LINGO2: variants seen among roughly 807,000 people sequenced by gnomAD.
The protein encoded by LINGO2 is leucine-rich repeat and immunoglobulin-like domain-containing nogo receptor-interacting protein 2.
In LINGO2, 14 loss-of-function variants were observed where a neutral mutation model predicts 30.6. The ratio of observed to expected loss-of-function variants is 0.46; its 90% confidence interval spans 0.30 to 0.72. LINGO2 has a LOEUF of 0.72. Ranked by LOEUF, LINGO2 falls within the 30% of genes least tolerant of loss-of-function variation. The probability of loss-of-function intolerance (pLI) is 0.07; values close to 1 mark genes in which losing one functional copy is unlikely to be tolerated. For missense variants in LINGO2, 729 were observed against 751.7 expected (o/e 0.97, Z 0.35); for synonymous variants, 317 against 288.5 (o/e 1.10, Z -1.00).
intron 1 of LINGO2, among the ~76,000 whole-genome samples, chr9:28,582,455 G>T (rs750499375): frequency 3.7e-4 from 57 of 152,008 alleles, no homozygotes; most frequent in Non-Finnish European, 5.9e-4. Flanking sequence ...GCTTCTGAAA[G>T]TTAGCAAGTT....
chr9:28,774,628 C>T, the LINGO2 span, among the ~76,000 whole-genome samples: 2 of 151,982 alleles, frequency 1.3e-5, no homozygotes, highest in African/African-American at 4.8e-5. Context: ...TTTTCTGGCA[C>T]TAGAGGTCGC....
At chr9:28,583,386 T>C (rs933827695) in intron 1 of LINGO2, among the ~76,000 whole-genome samples, 1 of 151,968 alleles carries the variant, frequency 6.6e-6, no homozygotes, top group Non-Finnish European at 1.5e-5. Flanking sequence ...ATAGAGATTA[T>C]AAAAATCTAA....
chr9:28,283,481 T>C (rs568952376), intron 4 of LINGO2, among the ~76,000 whole-genome samples: 19 of 152,310 alleles, frequency 1.2e-4, no homozygotes, highest in Admixed American at 4.6e-4. Context: ...AAGTAAATTA[T>C]ACAATATCAT....
intron 4 of LINGO2, among the ~76,000 whole-genome samples, chr9:28,071,299 A>G (rs1825468698): frequency 6.6e-6 from 1 of 152,212 alleles, no homozygotes; most frequent in Middle Eastern, 3.4e-3. Flanking sequence ...AGCCATAGTC[A>G]CTACACTCAT....
At chr9:28,870,738 T>G in the LINGO2 span, among the ~76,000 whole-genome samples, 1 of 151,944 alleles carries the variant, frequency 6.6e-6, no homozygotes, top group South Asian at 2.1e-4. Flanking sequence ...CATAAAACCA[T>G]AGAAAAGTAA....
At chr9:28,811,790 G>A in the LINGO2 span, among the ~76,000 whole-genome samples, 1 of 151,800 alleles carries the variant, frequency 6.6e-6, no homozygotes, top group Admixed American at 6.6e-5. Context: ...GATAGCACTT[G>A]TCATTTCCTG....
chr9:27,948,690 G>T (rs1000859073), exon 6 of LINGO2: 3 of 790,636 alleles, frequency 3.8e-6, no homozygotes, highest in African/African-American at 3.5e-5. Context: ...CCTGCCTTTC[G>T]ATGGAGAGTC....
the LINGO2 span, among the ~76,000 whole-genome samples, chr9:29,155,560 T>C: frequency 1.3e-5 from 2 of 150,752 alleles, no homozygotes; most frequent in Admixed American, 6.6e-5. Flanking sequence ...GTTTTCCTTT[T>C]TTTTTTTTTT....
intron 1 of LINGO2, among the ~76,000 whole-genome samples, chr9:28,539,330 T>C (rs1040071612): frequency 8.5e-5 from 13 of 152,156 alleles, no homozygotes; most frequent in African/African-American, 3.1e-4. Flanking sequence ...ATAATAGGCA[T>C]TCAGAAATGT....
At chr9:27,944,603 A>G (rs1823293311), downstream of LINGO2, 1 of 152,198 alleles carries the variant, frequency 6.6e-6, no homozygotes, top group Admixed American at 6.6e-5. Flanking sequence ...CTCAATCAGA[A>G]AAACATCAAG....
At chr9:29,201,419 T>C in the LINGO2 span, among the ~76,000 whole-genome samples, 25,771 of 151,968 alleles carry the variant, frequency 0.17, 2,337 homozygotes, top group East Asian at 0.38. Flanking sequence ...CTTACTCAGA[T>C]ACAAAGAGTT....
chr9:28,337,165 G>C (rs1004154002), intron 3 of LINGO2, among the ~76,000 whole-genome samples: 11 of 150,390 alleles, frequency 7.3e-5, no homozygotes, highest in Admixed American at 4.6e-4. Context: ...TAGAATAATA[G>C]TAGAATTATG....
chr9:29,096,224 C>T, the LINGO2 span, among the ~76,000 whole-genome samples: 1 of 139,072 alleles, frequency 7.2e-6, no homozygotes, highest in East Asian at 2.5e-4. Flanking sequence ...CAACCTCTTC[C>T]CTGAACCTGA....
intron 1 of LINGO2, among the ~76,000 whole-genome samples, chr9:28,546,969 C>A (rs2135484887): frequency 6.6e-6 from 1 of 152,178 alleles, no homozygotes; most frequent in Middle Eastern, 3.4e-3. Flanking sequence ...CCTCTAATTC[C>A]CATCAATTAT....
the LINGO2 span, among the ~76,000 whole-genome samples, chr9:28,892,141 T>G: frequency 2.0e-5 from 3 of 151,942 alleles, no homozygotes; most frequent in African/African-American, 7.2e-5. Flanking sequence ...AATCTGAATT[T>G]TAAAATTTTC....
intron 1 of LINGO2, among the ~76,000 whole-genome samples, chr9:28,597,830 T>C (rs1825263684): frequency 6.6e-6 from 1 of 152,146 alleles, no homozygotes; most frequent in Non-Finnish European, 1.5e-5. Flanking sequence ...AGGGACACAA[T>C]CTCGGCTCAC....
chr9:28,282,858 A>T (rs1363099536), intron 4 of LINGO2, among the ~76,000 whole-genome samples: 1 of 152,172 alleles, frequency 6.6e-6, no homozygotes, highest in Non-Finnish European at 1.5e-5. Context: ...GTTCTTCTAT[A>T]TCCATAGCAA....
At chr9:28,169,292 GA>G (rs1743522595) in intron 4 of LINGO2, among the ~76,000 whole-genome samples, 1 of 152,006 alleles carries the variant, frequency 6.6e-6, no homozygotes, top group African/African-American at 2.4e-5. Flanking sequence ...TGCTAAAATT[GA>G]AATATTCTTT....
intron 2 of LINGO2, among the ~76,000 whole-genome samples, chr9:28,424,225 G>T (rs1823314826): frequency 6.6e-6 from 1 of 152,078 alleles, no homozygotes; most frequent in Admixed American, 6.6e-5. Context: ...TTGAAACTAG[G>T]CTGGTTTTTC....
Sources: gnomAD v4.1 joint callset for allele counts (sites outside exome capture counted in the v4.1 genomes callset) on GRCh38, gnomAD v4.1.1 for gene constraint, MANE v1.5 for transcripts, NCBI Gene and HGNC (gene_info 2026-07-23, HGNC 2026-07-21) for gene names.